ADAMTS7: variants seen among roughly 807,000 people sequenced by gnomAD.
ADAMTS7 encodes A disintegrin and metalloproteinase with thrombospondin motifs 7.
Under a neutral mutation model 172.6 loss-of-function variants are expected in ADAMTS7, and 89 were observed. The observed-to-expected ratio is 0.52, with a 90% confidence interval of 0.43 to 0.61. ADAMTS7 has a LOEUF of 0.61. ADAMTS7 is among the 20% of genes least tolerant of loss of function. ADAMTS7 has a pLI of 0.00. For missense variants in ADAMTS7, 1,973 were observed against 2,355.6 expected (o/e 0.84, Z 3.36); for synonymous variants, 885 against 978.4 (o/e 0.90, Z 1.78).
intron 3 of ADAMTS7, among the ~76,000 whole-genome samples, chr15:78,797,480 A>C (rs1193542191): frequency 1.3e-5 from 2 of 152,220 alleles, no homozygotes; most frequent in Non-Finnish European, 2.9e-5. Flanking sequence ...GCTGCTCTGC[A>C]GAGGAGGCAC....
At chr15:78,806,473 T>C (rs1482372325) in intron 1 of ADAMTS7, among the ~76,000 whole-genome samples, 23 of 152,186 alleles carry the variant, frequency 1.5e-4, no homozygotes, top group Non-Finnish European at 3.4e-4. Flanking sequence ...GACAAAATAA[T>C]GCACTATAGA....
At chr15:78,767,349 G>A (rs2904223) in intron 18 of ADAMTS7, 30 bp downstream of exon 18, 627,924 of 1,605,116 alleles carry the variant, frequency 0.39, 128,156 homozygotes, top group Non-Finnish European at 0.43. Context: ...GGTGGAGCTG[G>A]AGGCGGGCCC....
At position 78,777,511 on chromosome 15, in the gene ADAMTS7, A is replaced by G. The variant is rs369227362; in HGVS notation, c.1400T>C (p.Leu467Pro). ...IDFPSVPPGVLYDVSHQCRLQ... is the reference protein window; with the variant it reads ...IDFPSVPPGVPYDVSHQCRLQ... The stretch of plus-strand genomic sequence containing the variant: ...GCGGCACTGGTGGCTTACATCATAG[A>G]GGACGCCAGGTGGCACCGAGGGGAA... Residue 467 changes from leucine to proline, a missense_variant, in exon 9 of 24, where the codon CTC becomes CCC. Transcript: ENST00000388820. 82 of 1,612,088 alleles carry G rather than the reference A, an allele frequency of 5.1e-5. 2 individuals carry two copies. Among genetic ancestry groups the G allele is most frequent in the Admixed American group, 3.7e-4 (22 of 59,756 alleles).
intron 2 of ADAMTS7, among the ~76,000 whole-genome samples, 198 bp downstream of exon 2, chr15:78,799,994 T>C (rs980084716): frequency 6.6e-6 from 1 of 151,906 alleles, no homozygotes; most frequent in Admixed American, 6.6e-5. Flanking sequence ...GGCTTTCACA[T>C]TAAACTTTGA....
chr15:78,775,286 C>A (rs1018389048), intron 11 of ADAMTS7, among the ~76,000 whole-genome samples: 53 of 152,340 alleles, frequency 3.5e-4, no homozygotes, highest in African/African-American at 1.2e-3. Flanking sequence ...AGGGCCCCAG[C>A]CAGCTGAAAG....
rs765284789 is a variant in ADAMTS7 at position 78,790,675 on chromosome 15, G to A, written c.1023C>T (p.Leu341=). 3 of 1,613,668 alleles carry A rather than the reference G, an allele frequency of 1.9e-6. No homozygotes were observed. The highest frequency in any genetic ancestry group is 2.2e-5 in the South Asian group (2 of 91,050). Residue 341 remains leucine, a synonymous_variant, in exon 6 of 24, where the codon CTC becomes CTT. Transcript: ENST00000388820. ...CCCTCCTGCGGCTGCAGTACCTGGT[G>A]AGCAGGATGGCAGTGTCATGGTGCA... The part of the protein sequence containing the change: ...HPLHHDTAIL[L]TRKDLCAAMN...
At chr15:78,808,544 C>CT (rs766832828) in intron 1 of ADAMTS7, among the ~76,000 whole-genome samples, 16 of 152,270 alleles carry the variant, frequency 1.1e-4, no homozygotes, top group African/African-American at 1.4e-4. Context: ...CCAGCATTAC[C>CT]TTTTTTTATA....
In ADAMTS7 at chr15:78,760,441, C is replaced by G. The variant is rs576752060; in HGVS notation, c.4904-863G>C. Among the ~76,000 whole-genome samples the G allele has an allele frequency of 1.4e-4, 22 of 152,204 alleles. No homozygotes were observed. In the South Asian group the frequency reaches 4.6e-3, roughly 32 times the overall value. ...GCAGCCAGCCCTGGGCCTGGGACAT[C>G]CCCCAGGCCCGGCAGAGGGCACGAG... is the stretch of plus-strand genomic sequence containing the variant. On this transcript the variant is annotated intron_variant, in intron 23 of 23. Transcript: ENST00000388820.
rs2055552897 is a variant in ADAMTS7, at chr15:78,789,752, C to T, written c.1115G>A (p.Cys372Tyr). 4 of 1,612,274 alleles carry T rather than the reference C, an allele frequency of 2.5e-6. No homozygotes were observed. The highest frequency in any genetic ancestry group is 2.5e-6 in the Non-Finnish European group (3 of 1,179,540). Residue 372 changes from cysteine (C) to tyrosine (Y), a missense_variant, in exon 7 of 24, where the codon TGC becomes TAC. By Grantham distance (194) the Cys-to-Tyr change is radical. Transcript: ENST00000388820. ...CAGGCCCGTGTCCTCGTTGATGCTGCAGCTGCGGTGCGGCTGGCACATGCC... is the reference window on the plus strand; with the variant it reads ...CAGGCCCGTGTCCTCGTTGATGCTGTAGCTGCGGTGCGGCTGGCACATGCC... The part of the protein sequence containing the change: ...VAGMCQPHRS[C>Y]SINEDTGLPL...
Position 78,767,409 on chromosome 15 carries a change from C to T in ADAMTS7, c.2829G>A (p.Pro943=), listed in dbSNP as rs373051571. 84 of 1,611,850 alleles carry T rather than the reference C, an allele frequency of 5.2e-5. 1 individual carries two copies. In the East Asian group the frequency reaches 5.3e-4, roughly 10 times the overall value. The change falls in exon 18 of 24, where the codon CCG becomes CCA. Residue 943 remains proline (P), a synonymous_variant. Coordinates refer to ENST00000388820, the MANE Select transcript of ADAMTS7 (RefSeq NM_014272.5). ...ACCAGTTCCCCACAGCCCAGGTGGC[C>T]GGACAGGGTACATGGCGGTTGCAAG... ...ETPCNRHVPC[P]ATWAVGNWSQ...
intron 18 of ADAMTS7, 97 bp from the exon 19 acceptor site, chr15:78,767,148 G>C: frequency 7.5e-7 from 1 of 1,335,544 alleles, no homozygotes; most frequent in South Asian, 1.5e-5. Context: ...CCCGATGTCA[G>C]AGTGGCAGAG....
At chr15:78,784,924 CT>C (rs1277252552) in intron 8 of ADAMTS7, among the ~76,000 whole-genome samples, 1 of 151,530 alleles carries the variant, frequency 6.6e-6, no homozygotes, top group African/African-American at 2.4e-5. Context: ...TCCATGCACT[CT>C]TTCTCAGAAA....
rs779734325 is a variant in ADAMTS7 at position 78,763,741 on chromosome 15, G to A, written c.4698C>T (p.Asn1566=). Residue 1566 remains asparagine (N), a synonymous_variant, in exon 22 of 24, where the codon AAC becomes AAT. Coordinates refer to ENST00000388820, the MANE Select transcript of ADAMTS7 (RefSeq NM_014272.5). The stretch of plus-strand genomic sequence containing the variant: ...CCACCCACTGCGTGCAGGGGTGGGT[G>A]TTGCAGGGCCGGGTGGTGTTGGGTC... ...ALRPNTTRPC[N]THPCTQWVVG... The A allele has an allele frequency of 1.9e-6, 3 of 1,595,210 alleles. No individual in the cohort carries two copies. The highest frequency in any genetic ancestry group is 1.1e-5 in the South Asian group (1 of 89,790).
At chr15:78,768,351 C>T in intron 16 of ADAMTS7, 92 bp from the exon 17 acceptor site, 1 of 1,559,024 alleles carries the variant, frequency 6.4e-7, no homozygotes, top group South Asian at 1.2e-5. Context: ...CCTCCCAGAA[C>T]AGCGCCTTAC....
At position 78,765,802 on chromosome 15, in the gene ADAMTS7, C is replaced by T; in HGVS notation, c.4109G>A (p.Ser1370Asn). The T allele has an allele frequency of 1.2e-6, 2 of 1,601,308 alleles. No homozygotes were observed. Among genetic ancestry groups the T allele is most frequent in the African/African-American group, 2.7e-5 (2 of 74,828 alleles). Residue 1370 changes from serine to asparagine, a missense_variant, in exon 19 of 24, where the codon AGC becomes AAC. Physicochemically the swap from Ser to Asn is conservative, Grantham distance 46 (BLOSUM62 1). This residue lies in a region of ADAMTS7 where 771 missense variants were observed against 952.6 expected (regional missense o/e 0.81). Transcript: ENST00000388820. ...AGCTGGTGTGGACAGCAGCCTAGAGCTCAGGGGCACCTCAGGGCTGAGGGA... is the reference window on the plus strand; with the variant it reads ...AGCTGGTGTGGACAGCAGCCTAGAGTTCAGGGGCACCTCAGGGCTGAGGGA... ...PESLSPEVPL[S>N]SRLLSTPAWD...
chr15:78,785,052 C>T (rs559910958), intron 8 of ADAMTS7, among the ~76,000 whole-genome samples: 1 of 151,484 alleles, frequency 6.6e-6, no homozygotes, highest in African/African-American at 2.4e-5. Flanking sequence ...TATTTTGGGG[C>T]AGGTCTAGAA....
At position 78,771,764 on chromosome 15, in the gene ADAMTS7, C is replaced by T; in HGVS notation, c.2197G>A (p.Ala733Thr). Residue 733 changes from alanine to threonine, a missense_variant, in exon 15 of 24, where the codon GCT becomes ACT. By Grantham distance (58) the Ala-to-Thr change is moderately conservative. Transcript: ENST00000388820. This position sits in a 1 kb window ranked among gnomAD's most constrained non-coding sequence, Gnocchi z 4.9. Reference sequence around the variant, plus strand: ...CTCCGCAGTGCCAGGAAGTTGGCAGCCTCGGCAACCTCTTGGATGCGGATC... The same window carrying T: ...CTCCGCAGTGCCAGGAAGTTGGCAGTCTCGGCAACCTCTTGGATGCGGATC... ...REIRIQEVAE[A>T]ANFLALRSED... is the part of the protein sequence containing the mutation. 1 of 1,612,532 alleles carries T rather than the reference C, an allele frequency of 6.2e-7. No homozygotes were observed.
At chr15:78,796,191 G>C (rs961949600) in intron 4 of ADAMTS7, among the ~76,000 whole-genome samples, 2 of 152,182 alleles carry the variant, frequency 1.3e-5, no homozygotes, top group African/African-American at 4.8e-5. Flanking sequence ...AGTGTAGTCT[G>C]ATCAGGCATT....
intron 1 of ADAMTS7, among the ~76,000 whole-genome samples, chr15:78,801,487 G>A (rs1193094714): frequency 6.6e-6 from 1 of 152,106 alleles, no homozygotes; most frequent in East Asian, 1.9e-4. Flanking sequence ...CCTTCTCAAT[G>A]AGGCCTCCTC....
Sources: gnomAD v4.1 joint callset for allele counts (sites outside exome capture counted in the v4.1 genomes callset) on GRCh38, gnomAD v4.1.1 for gene constraint, gnomAD v4.1.1 regional missense constraint, Gnocchi (gnomAD v3.1) non-coding constraint, MANE v1.5 for transcripts, NCBI Gene and HGNC (gene_info 2026-07-23, HGNC 2026-07-21) for gene names.